The following CRYBG1 variants were observed in gnomAD, a reference collection of about 807,000 sequenced individuals.
CRYBG1 encodes crystallin beta-gamma domain containing 1, also known as beta/gamma crystallin domain-containing protein 1.
CRYBG1 carries 139 observed loss-of-function variants against 189.2 expected under a neutral mutation model. The ratio of observed to expected loss-of-function variants is 0.73; its 90% CI spans 0.64 to 0.85. The LOEUF is 0.85. Ranked by LOEUF, CRYBG1 falls within the 40% of genes least tolerant of loss-of-function variation. The pLI, the probability that CRYBG1 is intolerant of heterozygous loss-of-function variation, is 0.00. For synonymous variants in CRYBG1, 1,023 were observed against 1,017.1 expected, an observed-to-expected ratio of 1.01 and a Z score of -0.11; for missense variants, 2,611 against 2,675.8, an observed-to-expected ratio of 0.98 and a Z score of 0.53.
chr6:106,549,084 T>C (rs893845828), intron 13 of CRYBG1, among the ~76,000 whole-genome samples: 1 of 152,136 alleles, frequency 6.6e-6, no homozygotes, highest in African/African-American at 2.4e-5. Context: ...CATCATTTTT[T>C]ATGGCTGCAT....
At chr6:106,503,218 G>A (rs1009044597) in intron 2 of CRYBG1, among the ~76,000 whole-genome samples, 2 of 152,164 alleles carry the variant, frequency 1.3e-5, no homozygotes, top group African/African-American at 2.4e-5. Flanking sequence ...CAAATCCTAA[G>A]GACAAGAAAG....
rs1175787945 is a variant in CRYBG1 at position 106,443,308 on chromosome 6, A to G, written c.174-8386A>G. ...GTGTGATAAGAGAAACAATTACTTT[A>G]CAGAAACACACATTCATAATGTTTT... On this transcript the variant is annotated intron_variant, in intron 1 of 21. Transcript: ENST00000633556. Among the ~76,000 whole-genome samples, 5 of 152,378 alleles carry G rather than the reference A, an allele frequency of 3.3e-5. No individual in the cohort carries two copies. In the East Asian group the frequency reaches 7.7e-4, roughly 23 times the overall value.
chr6:106,413,174 T>A (rs1770961335), intron 1 of CRYBG1, among the ~76,000 whole-genome samples: 1 of 152,136 alleles, frequency 6.6e-6, no homozygotes, highest in Non-Finnish European at 1.5e-5. Context: ...GAAAGAAAAC[T>A]TCCTGGTTTG....
chr6:106,533,133 T>C (rs1020796203), intron 8 of CRYBG1, among the ~76,000 whole-genome samples: 3 of 152,228 alleles, frequency 2.0e-5, no homozygotes, highest in South Asian at 4.1e-4. Flanking sequence ...GTTGCTATTT[T>C]AGATAGGGTA....
chr6:106,560,729 T>G, intron 18 of CRYBG1, 74 bp from the exon 19 acceptor site: 1 of 1,519,390 alleles, frequency 6.6e-7, no homozygotes, highest in Non-Finnish European at 8.9e-7. Flanking sequence ...ATGGAAAGCA[T>G]TCTAAAAATA....
intron 1 of CRYBG1, among the ~76,000 whole-genome samples, chr6:106,433,834 T>C (rs1261414757): frequency 2.7e-5 from 4 of 147,276 alleles, no homozygotes; most frequent in African/African-American, 1.0e-4. Flanking sequence ...TATGCAGTAG[T>C]AGTGGCAGAG....
intron 1 of CRYBG1, among the ~76,000 whole-genome samples, chr6:106,414,273 T>C (rs977538819): frequency 6.6e-6 from 1 of 152,238 alleles, no homozygotes; most frequent in Admixed American, 6.5e-5. Flanking sequence ...CTTAGCAACA[T>C]ATCTGGTTTG....
At chr6:106,361,965 C>CTTTCTTTCTTTCTTTCTTTCTTTCTTTCT (rs1562285515) in intron 1 of CRYBG1, among the ~76,000 whole-genome samples, 1 of 91,680 alleles carries the variant, frequency 1.1e-5, no homozygotes, top group Non-Finnish European at 1.9e-5. Flanking sequence ...TTATTTCTTT[C>CTTTCTTTCTTTCTTTCTTTCTTTCTTTCT]TTTCTTTTTT....
At chr6:106,496,919 G>A (rs1027935166) in intron 2 of CRYBG1, among the ~76,000 whole-genome samples, 1 of 152,220 alleles carries the variant, frequency 6.6e-6, no homozygotes, top group Non-Finnish European at 1.5e-5. Context: ...CAGGGCAGGA[G>A]AGCCTGGCGC....
intron 1 of CRYBG1, among the ~76,000 whole-genome samples, chr6:106,362,253 G>T (rs1771892090): frequency 6.6e-6 from 1 of 151,978 alleles, no homozygotes; most frequent in Admixed American, 6.6e-5. Context: ...ACAGGCATGA[G>T]CCACCGCGCC....
At chr6:106,443,264 G>A (rs763460969) in intron 1 of CRYBG1, among the ~76,000 whole-genome samples, 1 of 152,138 alleles carries the variant, frequency 6.6e-6, no homozygotes, top group Non-Finnish European at 1.5e-5. Context: ...ATACAGATCA[G>A]AACACTAAAA....
intron 8 of CRYBG1, 111 bp from the exon 9 acceptor site, chr6:106,539,292 G>C: frequency 7.7e-7 from 1 of 1,293,424 alleles, no homozygotes; most frequent in South Asian, 1.4e-5. Context: ...CATTATGTAG[G>C]TCCGTATCCT....
At chr6:106,442,246 T>C (rs1468752813) in intron 1 of CRYBG1, among the ~76,000 whole-genome samples, 2 of 152,214 alleles carry the variant, frequency 1.3e-5, no homozygotes, top group Non-Finnish European at 2.9e-5. Flanking sequence ...GTAATGATGA[T>C]TGCGGCAGTG....
At chr6:106,474,497 C>CT (rs1772296941) in intron 2 of CRYBG1, among the ~76,000 whole-genome samples, 1 of 152,136 alleles carries the variant, frequency 6.6e-6, no homozygotes, top group Admixed American at 6.5e-5. Flanking sequence ...AAAGGTTTTA[C>CT]TTTTTATTTA....
chr6:106,541,366 G>A (rs1774125539), intron 9 of CRYBG1: 1 of 679,796 alleles, frequency 1.5e-6, no homozygotes, highest in African/African-American at 1.8e-5. Context: ...CTACAACGCA[G>A]ATCAGCTTAT....
intron 1 of CRYBG1, among the ~76,000 whole-genome samples, chr6:106,426,323 A>G (rs1325452595): frequency 6.6e-6 from 1 of 152,164 alleles, no homozygotes; most frequent in Non-Finnish European, 1.5e-5. Flanking sequence ...TCCTATCAAC[A>G]TACAGATGTG....
chr6:106,438,382 G>GT (rs1771505558), intron 1 of CRYBG1, among the ~76,000 whole-genome samples: 1 of 152,186 alleles, frequency 6.6e-6, no homozygotes, highest in African/African-American at 2.4e-5. Context: ...TCACTTAACA[G>GT]TTTTTTCTCT....
chr6:106,415,150 G>A (rs541093243), intron 1 of CRYBG1, among the ~76,000 whole-genome samples: 2 of 152,270 alleles, frequency 1.3e-5, no homozygotes, highest in East Asian at 3.9e-4. Context: ...GAATGTCAAA[G>A]ACTGTCTTGT....
chr6:106,450,646 A>G (rs1004396339), intron 1 of CRYBG1, among the ~76,000 whole-genome samples: 1 of 152,206 alleles, frequency 6.6e-6, no homozygotes, highest in African/African-American at 2.4e-5. Flanking sequence ...CATTTCAAGA[A>G]ATCAAGAGAT....
Sources: allele counts gnomAD v4.1 joint callset (sites outside exome capture counted in the v4.1 genomes callset), GRCh38; gene constraint gnomAD v4.1.1; transcripts MANE v1.5; gene names NCBI Gene and HGNC (gene_info 2026-07-23, HGNC 2026-07-21).